Variants in INPP4B observed in about 807,000 individuals in gnomAD.
The protein encoded by INPP4B is inositol polyphosphate-4-phosphatase type II B, also known as inositol polyphosphate 4-phosphatase type II.
Under a neutral mutation model 122.5 loss-of-function variants are expected in INPP4B, and 55 were observed. The observed-to-expected ratio is 0.45, with a 90% CI of 0.36 to 0.56. The LOEUF is 0.56. Among genes scored for constraint, INPP4B ranks in the 20% least tolerant of loss-of-function variants. INPP4B has a pLI of 0.00. For missense variants in INPP4B, 1,000 were observed against 1,097.7 expected, an observed-to-expected ratio of 0.91 and a Z score of 1.26; for synonymous variants, 403 against 388.7, an observed-to-expected ratio of 1.04 and a Z score of -0.43.
chr4:142,459,216 C>T (rs180674202), intron 3 of INPP4B, among the ~76,000 whole-genome samples: 5 of 149,960 alleles, frequency 3.3e-5, no homozygotes, highest in African/African-American at 9.8e-5. Flanking sequence ...TGTGGCTTGA[C>T]TTTCACTGGC....
rs910897242 is a variant in INPP4B, at chr4:142,075,569, G to A, written c.2642+6462C>T. Among the ~76,000 whole-genome samples the A allele has an allele frequency of 3.3e-5, 5 of 151,872 alleles. No homozygotes were observed. The South Asian group carries it at 6.2e-4, about 19-fold the overall frequency. On this transcript the variant is annotated intron_variant, in intron 25 of 25. Coordinates refer to ENST00000262992, the MANE Select transcript of INPP4B (RefSeq NM_001101669.3). ...CCTGAGACTTTTTTCCTAAGACCTC[G>A]AAGACCAGGAGAACTTCCCCATTTT... is the stretch of plus-strand genomic sequence containing the variant.
At chr4:142,510,555 T>C (rs977648756) in intron 2 of INPP4B, among the ~76,000 whole-genome samples, 1 of 152,204 alleles carries the variant, frequency 6.6e-6, no homozygotes, top group Admixed American at 6.5e-5. Context: ...CAGGATAAGC[T>C]GGCTCAAAAT....
At chr4:142,053,607 A>T (rs1425477821) in intron 25 of INPP4B, among the ~76,000 whole-genome samples, 1 of 124,030 alleles carries the variant, frequency 8.1e-6, no homozygotes, top group Non-Finnish European at 1.8e-5. Flanking sequence ...ACTTTCTCAG[A>T]AAATACTTTA....
chr4:142,089,581 C>G (rs1384672971), intron 23 of INPP4B, among the ~76,000 whole-genome samples: 1 of 151,688 alleles, frequency 6.6e-6, no homozygotes, highest in East Asian at 1.9e-4. Flanking sequence ...CATACATCAT[C>G]AAATTGTATG....
chr4:142,144,465 G>T (rs1809605501), intron 18 of INPP4B, among the ~76,000 whole-genome samples: 1 of 151,882 alleles, frequency 6.6e-6, no homozygotes, highest in South Asian at 2.1e-4. Context: ...GCAGTGTCTG[G>T]CCCATACTTG....
intron 2 of INPP4B, among the ~76,000 whole-genome samples, chr4:142,508,633 T>C (rs1392162800): frequency 1.3e-5 from 2 of 152,206 alleles, no homozygotes; most frequent in Non-Finnish European, 2.9e-5. Context: ...CAAGTTTTCT[T>C]TGACAACACT....
chr4:142,213,674 C>G (rs1018796713), intron 12 of INPP4B, among the ~76,000 whole-genome samples: 1 of 152,182 alleles, frequency 6.6e-6, no homozygotes, highest in Non-Finnish European at 1.5e-5. Flanking sequence ...TCTAGTCTTA[C>G]TTCTTTCAGG....
chr4:142,697,144 T>A (rs1422655772), intron 2 of INPP4B, among the ~76,000 whole-genome samples: 2 of 152,314 alleles, frequency 1.3e-5, no homozygotes, highest in African/African-American at 2.4e-5. Flanking sequence ...GTTATTAAAA[T>A]TACCTGTTGT....
At chr4:142,249,728 C>A (rs1261188005) in intron 11 of INPP4B, among the ~76,000 whole-genome samples, 1 of 152,146 alleles carries the variant, frequency 6.6e-6, no homozygotes, top group Non-Finnish European at 1.5e-5. Context: ...GCTTTAAAAT[C>A]ATTTCTTCTG....
chr4:142,387,470 A>C (rs1264295701), intron 7 of INPP4B, among the ~76,000 whole-genome samples: 2 of 149,164 alleles, frequency 1.3e-5, no homozygotes, highest in Non-Finnish European at 3.0e-5. Context: ...CAATGCACTG[A>C]AGTGCATTTA....
chr4:142,434,482 C>T (rs1810011701), intron 3 of INPP4B, among the ~76,000 whole-genome samples: 1 of 152,152 alleles, frequency 6.6e-6, no homozygotes, highest in South Asian at 2.1e-4. Context: ...GAGAGCCCAT[C>T]AAGTAGATGG....
chr4:142,202,305 G>A (rs1675361224), intron 14 of INPP4B, among the ~76,000 whole-genome samples: 1 of 151,964 alleles, frequency 6.6e-6, no homozygotes, highest in South Asian at 2.1e-4. Flanking sequence ...CTATAAAATA[G>A]TGCTAATGTC....
chr4:142,843,431 C>G (rs1783805550), intron 1 of INPP4B, among the ~76,000 whole-genome samples: 1 of 151,812 alleles, frequency 6.6e-6, no homozygotes, highest in South Asian at 2.1e-4. Flanking sequence ...GAAAGATATA[C>G]AGGACATGTT....
At chr4:142,406,193 A>C (rs1803317316) in intron 5 of INPP4B, among the ~76,000 whole-genome samples, 1 of 152,192 alleles carries the variant, frequency 6.6e-6, no homozygotes, top group Non-Finnish European at 1.5e-5. Flanking sequence ...TGAGATGTAA[A>C]GTGCCCTCAC....
rs559688765 is a variant in INPP4B at position 142,581,169 on chromosome 4, T to C, written c.-190-118443A>G. 2.6e-5 allele frequency among the ~76,000 whole-genome samples: 4 copies of C among 152,112 alleles called. No homozygotes were observed. The South Asian group carries it at 6.2e-4, about 24-fold the overall frequency. On this transcript the variant is annotated intron_variant, in intron 2 of 25. Transcript: ENST00000262992. ...AAAAATGCATCAGGTTAAAAAAATA[T>C]ACTTTTGTTTACTCTTTGCAGAAAG...
chr4:142,185,735 C>A (rs543413182), intron 15 of INPP4B, among the ~76,000 whole-genome samples: 1 of 151,362 alleles, frequency 6.6e-6, no homozygotes, highest in East Asian at 1.9e-4. Context: ...AAAAATTAGC[C>A]GCGCGTGGTG....
intron 23 of INPP4B, among the ~76,000 whole-genome samples, chr4:142,092,584 C>A (rs1419634425): frequency 1.3e-5 from 2 of 152,200 alleles, no homozygotes; most frequent in Non-Finnish European, 2.9e-5. Context: ...AGCCACCGTG[C>A]CCATCCTGAG....
chr4:142,184,319 C>T (rs972201605), intron 15 of INPP4B, among the ~76,000 whole-genome samples: 3 of 152,086 alleles, frequency 2.0e-5, no homozygotes, highest in African/African-American at 4.8e-5. Context: ...TTTCGGAAGA[C>T]GTAAAAGTAT....
intron 7 of INPP4B, among the ~76,000 whole-genome samples, chr4:142,337,759 T>C (rs890196049): frequency 2.4e-5 from 3 of 127,156 alleles, no homozygotes; most frequent in African/African-American, 8.2e-5. Context: ...ATATTTTATA[T>C]ATATTTTATA....
Sources: allele counts gnomAD v4.1 joint callset (sites outside exome capture counted in the v4.1 genomes callset), GRCh38; gene constraint gnomAD v4.1.1; transcripts MANE v1.5; gene names NCBI Gene and HGNC (gene_info 2026-07-23, HGNC 2026-07-21).